MITF: variants seen among roughly 807,000 people sequenced by gnomAD.
MITF encodes melanocyte inducing transcription factor.
A neutral mutation model predicts 60.5 loss-of-function variants in MITF; 17 were observed. The ratio of observed to expected loss-of-function variants is 0.28; its 90% CI spans 0.19 to 0.42. MITF has a LOEUF of 0.42. Among genes scored for constraint, MITF ranks in the 10% least tolerant of loss-of-function variants. The pLI is 1.00. For synonymous variants in MITF, 260 were observed against 248.5 expected, an observed-to-expected ratio of 1.05 and a Z score of -0.43; for missense variants, 622 against 683.5, an observed-to-expected ratio of 0.91 and a Z score of 1.00.
intron 1 of MITF, among the ~76,000 whole-genome samples, chr3:69,782,964 C>A (rs551214682): frequency 6.6e-6 from 1 of 152,234 alleles, no homozygotes; most frequent in South Asian, 2.1e-4. Context: ...TAAACATCAC[C>A]AGATAATTTC....
At chr3:69,915,344 CTA>C (rs2065310314) in intron 2 of MITF, among the ~76,000 whole-genome samples, 1 of 151,962 alleles carries the variant, frequency 6.6e-6, no homozygotes, top group Non-Finnish European at 1.5e-5. Flanking sequence ...AAACCAGAGT[CTA>C]TAATAGATTT....
At chr3:69,827,903 G>A (rs2063382468) in intron 1 of MITF, among the ~76,000 whole-genome samples, 1 of 152,066 alleles carries the variant, frequency 6.6e-6, no homozygotes, top group Admixed American at 6.6e-5. Flanking sequence ...TGATAAATGA[G>A]GAATCAACAG....
At chr3:69,919,503 C>A (rs1040884337) in intron 2 of MITF, among the ~76,000 whole-genome samples, 1 of 151,858 alleles carries the variant, frequency 6.6e-6, no homozygotes, top group Admixed American at 6.6e-5. Flanking sequence ...TTTTTGTAAA[C>A]CCCCAAGACA....
intron 1 of MITF, among the ~76,000 whole-genome samples, chr3:69,839,809 T>A (rs1018742636): frequency 4.6e-5 from 7 of 151,936 alleles, no homozygotes; most frequent in African/African-American, 1.7e-4. Context: ...AACGTTCACA[T>A]TAGGACCTTT....
chr3:69,763,147 G>A (rs1379647552), intron 1 of MITF, among the ~76,000 whole-genome samples: 1 of 152,090 alleles, frequency 6.6e-6, no homozygotes, highest in East Asian at 1.9e-4. Context: ...TATCACTTAT[G>A]GGAAGTATCT....
At chr3:69,782,390 G>C (rs146864361) in intron 1 of MITF, among the ~76,000 whole-genome samples, 1 of 152,258 alleles carries the variant, frequency 6.6e-6, no homozygotes, top group Non-Finnish European at 1.5e-5. Context: ...AACATTTATT[G>C]AATGCTTATT....
At chr3:69,951,328 C>T (rs562393258) in intron 6 of MITF, among the ~76,000 whole-genome samples, 3 of 152,114 alleles carry the variant, frequency 2.0e-5, no homozygotes, top group Admixed American at 6.5e-5. Context: ...GATCTTTCCA[C>T]TTCCACTTCC....
chr3:69,820,685 T>C (rs2063255360), intron 1 of MITF, among the ~76,000 whole-genome samples: 1 of 152,160 alleles, frequency 6.6e-6, no homozygotes, highest in Admixed American at 6.5e-5. Context: ...GATCCATGAA[T>C]GGAATGGAGG....
At chr3:69,938,436 T>G (rs2065895885) in intron 3 of MITF, 4 of 1,512,934 alleles carry the variant, frequency 2.6e-6, no homozygotes, top group African/African-American at 2.8e-5. Flanking sequence ...GGACATGCTG[T>G]TTAGAAGTTC....
chr3:69,908,291 A>C (rs1305276304), intron 2 of MITF, among the ~76,000 whole-genome samples: 2 of 152,192 alleles, frequency 1.3e-5, no homozygotes, highest in Non-Finnish European at 2.9e-5. Flanking sequence ...ATGCAGTTGA[A>C]AAGTGAAGAA....
intron 1 of MITF, among the ~76,000 whole-genome samples, chr3:69,750,302 A>G (rs576486612): frequency 6.6e-6 from 1 of 151,882 alleles, no homozygotes; most frequent in East Asian, 1.9e-4. Flanking sequence ...TTCAAAGTGA[A>G]TCCCAGGATT....
chr3:69,755,269 T>C (rs1198813599), intron 1 of MITF, among the ~76,000 whole-genome samples: 1 of 152,152 alleles, frequency 6.6e-6, no homozygotes, highest in Non-Finnish European at 1.5e-5. Flanking sequence ...CACAGAAATC[T>C]CGAATTCCTA....
At chr3:69,753,709 T>A (rs1704021717) in intron 1 of MITF, among the ~76,000 whole-genome samples, 1 of 152,240 alleles carries the variant, frequency 6.6e-6, no homozygotes. Context: ...CTTTAAGACT[T>A]AATGACTGCC....
intron 1 of MITF, among the ~76,000 whole-genome samples, chr3:69,835,259 C>G (rs2063523598): frequency 6.6e-6 from 1 of 152,140 alleles, no homozygotes; most frequent in Non-Finnish European, 1.5e-5. Context: ...CTTAAGCAAT[C>G]TACCTGCCTC....
chr3:69,750,401 T>C (rs201671601), intron 1 of MITF, among the ~76,000 whole-genome samples: 32 of 135,600 alleles, frequency 2.4e-4, no homozygotes, highest in Non-Finnish European at 4.5e-4. Context: ...TTTTTTTTTT[T>C]CCTTTTTTAA....
At chr3:69,790,153 T>C (rs2062717519) in intron 1 of MITF, among the ~76,000 whole-genome samples, 1 of 152,190 alleles carries the variant, frequency 6.6e-6, no homozygotes, top group South Asian at 2.1e-4. Context: ...TAGGACATTA[T>C]AGTAAGTTAA....
Position 69,965,294 on chromosome 3 carries a change from A to T in MITF, c.*46A>T. The T allele has an allele frequency of 1.2e-6, 2 of 1,600,366 alleles. No individual in the cohort carries two copies. Among genetic ancestry groups the T allele is most frequent in the Non-Finnish European group, 8.5e-7 (1 of 1,169,642 alleles). On this transcript the variant is annotated 3_prime_UTR_variant, in exon 10 of 10. Coordinates refer to ENST00000352241, the MANE Select transcript of MITF (RefSeq NM_001354604.2). ...TTCGCACAAACTGCTTCCTTTCTTG[A>T]TTCGTAGATTTAATAACTTACCTGA...
rs1470558053 is a variant in MITF, at chr3:69,922,446, T to C, written c.355-15376T>C. Among the ~76,000 whole-genome samples, 4 of 152,160 alleles carry C rather than the reference T, an allele frequency of 2.6e-5. No individual in the cohort carries two copies. In the East Asian group the frequency reaches 7.7e-4, roughly 29 times the overall value. On this transcript the variant is annotated intron_variant, in intron 2 of 9. Transcript: ENST00000352241. ...CATGTTGGCCAGGATGGTCTCGATC[T>C]CTTGACGTTGTGATCCACCTGCCTT...
rs968258324 is a variant in MITF, at chr3:69,739,621, G to T, written c.24G>T (p.Val8=). 10 of 1,580,836 alleles carry T rather than the reference G, an allele frequency of 6.3e-6. No individual in the cohort carries two copies. Among genetic ancestry groups the T allele is most frequent in the Non-Finnish European group, 8.6e-6 (10 of 1,161,664 alleles). Residue 8 remains valine (V), a synonymous_variant, in exon 1 of 10, where the codon GTG becomes GTT. Transcript: ENST00000352241. ...CCATGCAGTCCGAATCGGGGATCGT[G>T]CCGGATTTCGAAGTCGGGGAGGAGT... is the stretch of plus-strand genomic sequence containing the variant. MQSESGI[V]PDFEVGEEFH...
Sources: gnomAD v4.1 joint callset for allele counts (sites outside exome capture counted in the v4.1 genomes callset) on GRCh38, gnomAD v4.1.1 for gene constraint, MANE v1.5 for transcripts, NCBI Gene and HGNC (gene_info 2026-07-23, HGNC 2026-07-21) for gene names.